Variants in SHMT1 observed in about 807,000 individuals in gnomAD.
The protein encoded by SHMT1 is serine hydroxymethyltransferase 1, also known as serine hydroxymethyltransferase, cytosolic.
SHMT1 carries 45 observed loss-of-function variants against 49.0 expected under a neutral mutation model. The observed-to-expected ratio is 0.92, with a 90% CI of 0.72 to 1.18. The LOEUF (loss-of-function observed/expected upper bound fraction) is 1.18, where lower values mean the gene tolerates loss of function less well. Among genes scored for constraint, SHMT1 ranks in the 50% most tolerant of loss-of-function variants. The pLI, the probability that SHMT1 is intolerant of heterozygous loss-of-function variation, is 0.00. For missense variants in SHMT1, 541 were observed against 612.4 expected (o/e 0.88, Z 1.23); for synonymous variants, 232 against 246.6 (o/e 0.94, Z 0.55).
chr17:18,350,732 TTTTC>T (rs1391216384), intron 3 of SHMT1, among the ~76,000 whole-genome samples: 3 of 152,148 alleles, frequency 2.0e-5, no homozygotes, highest in Admixed American at 6.6e-5. Context: ...GTCAACACTG[TTTTC>T]TTTTTTTTTT....
chr17:18,347,426 C>T, intron 5 of SHMT1, 70 bp downstream of exon 5: 3 of 1,559,006 alleles, frequency 1.9e-6, no homozygotes, highest in Non-Finnish European at 2.6e-6. Context: ...CCAAACTTAC[C>T]CCTGCAGGCA....
Position 18,340,634 on chromosome 17 carries a change from G to T in SHMT1, c.601+98C>A. 1.9e-6 allele frequency: 2 copies of T among 1,033,484 alleles called. No individual in the cohort carries two copies. The highest frequency in any genetic ancestry group is 3.0e-6 in the Non-Finnish European group (2 of 675,032). 64.0% of individuals were successfully genotyped at this position (1,033,484 alleles called of 1,614,324 possible). A position where few individuals can be genotyped will look rare whatever the true frequency, so the allele number is the denominator to read the frequency against. On this transcript the variant is annotated intron_variant, in intron 6 of 11. Transcript: ENST00000316694. This position sits in a 1 kb window ranked among gnomAD's most constrained non-coding sequence, Gnocchi z 4.5. ...ACTCAGTTATCCAGGGCAGAAACTAGCAGTGGGCTCAACAGGGTGCGAACA... is the reference window on the plus strand; with the variant it reads ...ACTCAGTTATCCAGGGCAGAAACTATCAGTGGGCTCAACAGGGTGCGAACA...
At chr17:18,343,694 C>T (rs1404769208) in intron 5 of SHMT1, among the ~76,000 whole-genome samples, 1 of 148,060 alleles carries the variant, frequency 6.8e-6, no homozygotes, top group Non-Finnish European at 1.5e-5. Context: ...CTGAGTTGGA[C>T]AGATCACTTG....
intron 3 of SHMT1, among the ~76,000 whole-genome samples, chr17:18,351,379 CT>C (rs1985679907): frequency 6.6e-6 from 1 of 151,840 alleles, no homozygotes; most frequent in Admixed American, 6.6e-5. Flanking sequence ...ATCTCCTGAC[CT>C]CATGATCCAC....
intron 5 of SHMT1, among the ~76,000 whole-genome samples, chr17:18,345,252 G>A (rs542480535): frequency 1.3e-5 from 2 of 152,202 alleles, no homozygotes; most frequent in Admixed American, 6.5e-5. Context: ...GGTGCGGGAC[G>A]CAGATTCTTT....
intron 1 of SHMT1, among the ~76,000 whole-genome samples, chr17:18,362,363 C>G (rs1025180601): frequency 6.6e-6 from 1 of 152,104 alleles, no homozygotes; most frequent in Admixed American, 6.6e-5. Flanking sequence ...CTCTGTCACT[C>G]AGGCTGGAGT....
Position 18,340,018 on chromosome 17 carries a change from C to T in SHMT1, c.814+25G>A, listed in dbSNP as rs371587492. ...GAGAAATGTAAACCATGGTACCCAT[C>T]TGTACCCAACATTCGGGAGCTCACC... On this transcript the variant is annotated intron_variant, in intron 7 of 11. Coordinates refer to ENST00000316694, the MANE Select transcript of SHMT1 (RefSeq NM_004169.5). The surrounding 1 kb of genome is among the most constrained non-coding windows in gnomAD (Gnocchi z 4.5). The T allele has an allele frequency of 2.2e-3, 3,522 of 1,603,006 alleles. 8 individuals are homozygous for T. The highest frequency in any genetic ancestry group is 2.8e-3 in the Non-Finnish European group (3,253 of 1,172,920).
At chr17:18,362,967 G>A (rs1986909057) in intron 1 of SHMT1, 1 of 152,316 alleles carries the variant, frequency 6.6e-6, no homozygotes, top group Admixed American at 6.6e-5. Flanking sequence ...TCCTTTCTCA[G>A]GGCCCCACCA....
At chr17:18,348,297 CA>C (rs1567785844) in intron 4 of SHMT1, 27 bp downstream of exon 4, 4 of 1,421,516 alleles carry the variant, frequency 2.8e-6, no homozygotes, top group Non-Finnish European at 4.0e-6. Flanking sequence ...GAAGAGGCTG[CA>C]CCAGGCCATA....
intron 7 of SHMT1, among the ~76,000 whole-genome samples, chr17:18,337,202 G>A (rs1207451873): frequency 2.6e-5 from 4 of 152,182 alleles, no homozygotes; most frequent in African/African-American, 4.8e-5. Flanking sequence ...CTCTAGAGGT[G>A]AGGAAATGAG....
chr17:18,339,657 C>T (rs1192058988), intron 7 of SHMT1, among the ~76,000 whole-genome samples: 4 of 152,064 alleles, frequency 2.6e-5, no homozygotes. Context: ...ACCTCCCAGG[C>T]TCACGCCATT....
chr17:18,350,339 T>C (rs904062361), intron 3 of SHMT1, among the ~76,000 whole-genome samples: 6 of 151,146 alleles, frequency 4.0e-5, no homozygotes, highest in African/African-American at 1.5e-4. Context: ...TCAAAATAAA[T>C]AAATAAATAA....
At chr17:18,336,006 C>T (rs1278328963) in intron 7 of SHMT1, among the ~76,000 whole-genome samples, 3 of 152,278 alleles carry the variant, frequency 2.0e-5, no homozygotes, top group East Asian at 3.9e-4. Flanking sequence ...AGGCTGGACG[C>T]GGTGGCTCAC....
intron 5 of SHMT1, among the ~76,000 whole-genome samples, chr17:18,342,478 C>G (rs550866386): frequency 2.8e-4 from 42 of 152,030 alleles, no homozygotes; most frequent in Non-Finnish European, 5.6e-4. Flanking sequence ...CCACACCCGG[C>G]TAATTCTTAT....
intron 5 of SHMT1, among the ~76,000 whole-genome samples, chr17:18,343,260 T>G (rs759099418): frequency 7.8e-6 from 1 of 128,108 alleles, no homozygotes; most frequent in Non-Finnish European, 1.7e-5. Context: ...TTTAAAATAA[T>G]TTTTCTTTTC....
At chr17:18,335,043 G>C (rs1385413725) in intron 8 of SHMT1, among the ~76,000 whole-genome samples, 1 of 152,222 alleles carries the variant, frequency 6.6e-6, no homozygotes, top group Non-Finnish European at 1.5e-5. Context: ...GATAACTCTT[G>C]AGTCATCACA....
chr17:18,345,682 T>A (rs1985015019), intron 5 of SHMT1, among the ~76,000 whole-genome samples: 1 of 119,150 alleles, frequency 8.4e-6, no homozygotes, highest in East Asian at 2.8e-4. Context: ...GCCTTTCTTA[T>A]TTATTTATTT....
At chr17:18,351,872 T>A (rs1415909787) in intron 3 of SHMT1, among the ~76,000 whole-genome samples, 1 of 151,818 alleles carries the variant, frequency 6.6e-6, no homozygotes, top group Admixed American at 6.6e-5. Flanking sequence ...AGAAACAGGG[T>A]CTCATTCTGT....
At chr17:18,345,170 T>TC (rs1319198915) in intron 5 of SHMT1, among the ~76,000 whole-genome samples, 1 of 151,984 alleles carries the variant, frequency 6.6e-6, no homozygotes, top group East Asian at 1.9e-4. Flanking sequence ...CTGAGGTGGG[T>TC]CCCCTCACTG....
Sources: gnomAD v4.1 joint callset for allele counts (sites outside exome capture counted in the v4.1 genomes callset) on GRCh38, gnomAD v4.1.1 for gene constraint, Gnocchi (gnomAD v3.1) non-coding constraint, MANE v1.5 for transcripts, NCBI Gene and HGNC (gene_info 2026-07-23, HGNC 2026-07-21) for gene names.